The following DHRSX variants were observed in gnomAD, a reference collection of about 807,000 sequenced individuals.
DHRSX encodes the protein polyprenol dehydrogenase.
Under a neutral mutation model 34.0 loss-of-function variants are expected in DHRSX, and 31 were observed. The observed-to-expected ratio is 0.91, with a 90% confidence interval of 0.69 to 1.23. The LOEUF (loss-of-function observed/expected upper bound fraction) is 1.23, where lower values mean the gene tolerates loss of function less well. Among genes scored for constraint, DHRSX ranks in the 50% most tolerant of loss-of-function variants. The pLI is 0.00. For synonymous variants in DHRSX, 201 were observed against 183.8 expected (o/e 1.09, Z -0.76); for missense variants, 414 against 428.1 (o/e 0.97, Z 0.29).
At chrX:2,286,683 C>A (rs1176693310) in intron 4 of DHRSX, among the ~76,000 whole-genome samples, 2 of 119,766 alleles carry the variant, frequency 1.7e-5, no homozygotes, top group African/African-American at 5.7e-5. Flanking sequence ...TCTGTCTGTA[C>A]CCACAGAGGA....
intron 1 of DHRSX, among the ~76,000 whole-genome samples, chrX:2,484,020 G>C (rs2044817881): frequency 6.6e-6 from 1 of 152,308 alleles, no homozygotes; most frequent in Admixed American, 6.5e-5. Flanking sequence ...TTGTCGCCCA[G>C]GATGGAGCGC....
At chrX:2,349,823 C>T (rs1274289566) in intron 3 of DHRSX, among the ~76,000 whole-genome samples, 5 of 141,736 alleles carry the variant, frequency 3.5e-5, no homozygotes, top group African/African-American at 1.1e-4. Context: ...GGGCGGATCA[C>T]GAGGTCAGAT....
rs1342198981 is a variant in DHRSX, at chrX:2,485,911, GGAAGGAAGGAAA to G, written c.109+14894_109+14905del. ...AAGAAGAGACAAGGATGGGAGGGAA[GGAAGGAAGGAAA>G]GAAGGAAGAAAGGAAGGATTTGTTG... On this transcript the variant is annotated intron_variant, in intron 1 of 6. Transcript: ENST00000334651. Among the ~76,000 whole-genome samples, 14 of 147,726 alleles carry G rather than the reference GGAAGGAAGGAAA, an allele frequency of 9.5e-5. 1 individual carries two copies. The highest frequency in any genetic ancestry group is 1.6e-4 in the African/African-American group (6 of 38,504).
At chrX:2,380,659 G>A (rs1316135338) in intron 3 of DHRSX, among the ~76,000 whole-genome samples, 1 of 152,056 alleles carries the variant, frequency 6.6e-6, no homozygotes, top group Non-Finnish European at 1.5e-5. Context: ...TCTCATGATA[G>A]TGAGTGAGTT....
chrX:2,457,926 G>A (rs1003184514), intron 1 of DHRSX, among the ~76,000 whole-genome samples: 1 of 151,218 alleles, frequency 6.6e-6, no homozygotes, highest in African/African-American at 2.4e-5. Context: ...TGTAGCCAAG[G>A]GACCGCCACC....
chrX:2,368,216 C>A (rs1467876540), intron 3 of DHRSX, among the ~76,000 whole-genome samples: 1 of 149,548 alleles, frequency 6.7e-6, no homozygotes, highest in Non-Finnish European at 1.5e-5. Flanking sequence ...GAACTCCAGC[C>A]TGGGCAACAG....
intron 2 of DHRSX, among the ~76,000 whole-genome samples, chrX:2,417,618 G>A (rs1407458684): frequency 1.3e-5 from 2 of 149,780 alleles, no homozygotes; most frequent in African/African-American, 2.5e-5. Context: ...CCAACTAGAC[G>A]TCAATGTGAC....
At chrX:2,266,200 TTGGCAGA>T (rs2041466103) in intron 5 of DHRSX, among the ~76,000 whole-genome samples, 1 of 107,990 alleles carries the variant, frequency 9.3e-6, no homozygotes, top group African/African-American at 3.7e-5. Context: ...GCACCAGTGC[TTGGCAGA>T]CGCAGGGAGC....
intron 2 of DHRSX, 49 bp from the exon 3 acceptor site, chrX:2,408,862 G>C: frequency 6.9e-7 from 1 of 1,439,130 alleles, no homozygotes; most frequent in Non-Finnish European, 9.4e-7. Flanking sequence ...GGATTATCCA[G>C]AAACTATTAA....
intron 3 of DHRSX, among the ~76,000 whole-genome samples, chrX:2,405,084 G>C: frequency 6.6e-6 from 1 of 152,230 alleles, no homozygotes; most frequent in Non-Finnish European, 1.5e-5. Context: ...GCCCTTGGCA[G>C]AGGTAATAAC....
At position 2,460,148 on chromosome X, in the gene DHRSX, G is replaced by A. The variant is rs907919943; in HGVS notation, c.110-34844C>T. Among the ~76,000 whole-genome samples, 80 of 151,724 alleles carry A rather than the reference G, an allele frequency of 5.3e-4. 1 individual carries two copies. Among genetic ancestry groups the A allele is most frequent in the Admixed American group, 4.7e-3 (71 of 15,190 alleles). Reference sequence around the variant, plus strand: ...ACAAAAAAAGTATCCACACTGCAGCGTGGACCAGAAGAGATGACCTTCCAG... The same window carrying A: ...ACAAAAAAAGTATCCACACTGCAGCATGGACCAGAAGAGATGACCTTCCAG... On this transcript the variant is annotated intron_variant, in intron 1 of 6. Transcript: ENST00000334651.
At chrX:2,282,478 G>A (rs932202688) in intron 4 of DHRSX, among the ~76,000 whole-genome samples, 24 of 147,472 alleles carry the variant, frequency 1.6e-4, no homozygotes, top group African/African-American at 5.9e-4. Context: ...GAGAGAAGTG[G>A]GACACAGAGG....
chrX:2,306,593 C>T (rs2042099666), intron 3 of DHRSX, among the ~76,000 whole-genome samples: 1 of 151,870 alleles, frequency 6.6e-6, no homozygotes, highest in Admixed American at 6.6e-5. Flanking sequence ...GCTGGGATTA[C>T]AGACGCGCAC....
intron 1 of DHRSX, among the ~76,000 whole-genome samples, chrX:2,446,411 G>A (rs1234661969): frequency 2.0e-5 from 3 of 150,146 alleles, no homozygotes; most frequent in Admixed American, 1.3e-4. Flanking sequence ...CACTGCAGAC[G>A]TTCCCTAAGC....
chrX:2,310,759 A>T (rs1364029319), intron 3 of DHRSX, among the ~76,000 whole-genome samples: 11 of 151,830 alleles, frequency 7.2e-5, no homozygotes, highest in Non-Finnish European at 1.3e-4. Context: ...AGAGACAGAG[A>T]GTGTGCCAGA....
At chrX:2,331,615 T>G (rs2042479053) in intron 3 of DHRSX, among the ~76,000 whole-genome samples, 1 of 151,846 alleles carries the variant, frequency 6.6e-6, no homozygotes, top group African/African-American at 2.4e-5. Context: ...GCCCAGCTAA[T>G]TTTTTTGTAG....
At chrX:2,327,870 G>C (rs1434191019) in intron 3 of DHRSX, among the ~76,000 whole-genome samples, 5 of 151,984 alleles carry the variant, frequency 3.3e-5, no homozygotes, top group African/African-American at 1.2e-4. Context: ...CACGAGGTCA[G>C]GTGATCGAGA....
At chrX:2,376,995 C>CAA (rs368026648) in intron 3 of DHRSX, among the ~76,000 whole-genome samples, 2 of 144,470 alleles carry the variant, frequency 1.4e-5, no homozygotes, top group Non-Finnish European at 3.0e-5. Context: ...AACTCTATCT[C>CAA]AAAAAAAAAA....
chrX:2,399,552 A>G (rs1213487075), intron 3 of DHRSX, among the ~76,000 whole-genome samples: 1 of 151,654 alleles, frequency 6.6e-6, no homozygotes, highest in Non-Finnish European at 1.5e-5. Flanking sequence ...TAAAAATACA[A>G]AAAATTAGCT....
Sources: gnomAD v4.1 joint callset for allele counts (sites outside exome capture counted in the v4.1 genomes callset) on GRCh38, gnomAD v4.1.1 for gene constraint, MANE v1.5 for transcripts, NCBI Gene and HGNC (gene_info 2026-07-23, HGNC 2026-07-21) for gene names.